Variants in NCOA4 observed in about 807,000 individuals in gnomAD.
The protein encoded by NCOA4 is nuclear receptor coactivator 4, also known as 70 kDa AR-activator.
In NCOA4, 31 loss-of-function variants were observed where a neutral mutation model predicts 69.5. The ratio of observed to expected loss-of-function variants is 0.45; its 90% CI spans 0.34 to 0.60. The LOEUF (loss-of-function observed/expected upper bound fraction) is 0.60, where lower values mean the gene tolerates loss of function less well. Ranked by LOEUF, NCOA4 falls within the 20% of genes least tolerant of loss-of-function variation. NCOA4 has a pLI of 0.02. For synonymous variants in NCOA4, 228 were observed against 252.4 expected (o/e 0.90, Z 0.92); for missense variants, 600 against 719.2 (o/e 0.83, Z 1.90).
chr10:46,014,090 G>A (rs1461133771), intron 5 of NCOA4, among the ~76,000 whole-genome samples: 20 of 151,948 alleles, frequency 1.3e-4, no homozygotes, highest in Non-Finnish European at 2.4e-4. Context: ...GCAGTGGCAC[G>A]ATCTCAGGTC....
At chr10:46,013,507 G>A (rs782153872) in intron 6 of NCOA4, 43 bp downstream of exon 6, 2 of 1,408,136 alleles carry the variant, frequency 1.4e-6, no homozygotes, top group African/African-American at 1.4e-5. Flanking sequence ...GGAAGTATAA[G>A]CCAAGTAATG....
At chr10:46,027,178 G>A (rs1554925644) in intron 1 of NCOA4, among the ~76,000 whole-genome samples, 1 of 146,900 alleles carries the variant, frequency 6.8e-6, no homozygotes. Flanking sequence ...GGCTGAGGCA[G>A]AAGAATGGCG....
chr10:46,024,220 CA>C (rs1225480994), intron 1 of NCOA4, among the ~76,000 whole-genome samples: 1 of 151,610 alleles, frequency 6.6e-6, no homozygotes, highest in Non-Finnish European at 1.5e-5. Flanking sequence ...CGTAAAGACA[CA>C]AAAAAAACAG....
At position 46,015,081 on chromosome 10, in the gene NCOA4, C is replaced by T. The variant is rs1839458506; in HGVS notation, c.282+45G>A. 7 of 1,613,236 alleles carry T rather than the reference C, an allele frequency of 4.3e-6. No individual in the cohort carries two copies. The East Asian group carries it at 1.3e-4, about 31-fold the overall frequency. ...TTACAAGGAAGATACTCTCTGGCAA[C>T]CAGAAGCCATGCTCAAACCAATTCT... is the stretch of plus-strand genomic sequence containing the variant. On this transcript the variant is annotated intron_variant, in intron 3 of 9. Transcript: ENST00000581486.
chr10:46,014,446 T>C lies in NCOA4; in HGVS notation c.478A>G (p.Ile160Val). The change falls in exon 5 of 10, where the codon ATT becomes GTT. Residue 160 changes from isoleucine to valine, a missense_variant and splice_region_variant. Ile to Val is a conservative substitution (Grantham distance 29). Transcript: ENST00000581486. Reference protein sequence around the residue: ...TITTFGSLKTIQIPEHLMAHA... With the variant: ...TITTFGSLKTVQIPEHLMAHA... ...GTGAAGCATATGAGATTACTCACAA[T>C]GGTTTTGAGAGACCCAAATGTGGTG... The C allele has an allele frequency of 6.3e-7, 1 of 1,599,268 alleles. No individual in the cohort carries two copies. Among genetic ancestry groups the C allele is most frequent in the Non-Finnish European group, 8.6e-7 (1 of 1,166,866 alleles).
intron 1 of NCOA4, among the ~76,000 whole-genome samples, chr10:46,023,767 A>C (rs1348776999): frequency 1.3e-5 from 2 of 152,276 alleles, no homozygotes; most frequent in Non-Finnish European, 1.5e-5. Flanking sequence ...ACATGAATTA[A>C]AATGTTTAGG....
intron 1 of NCOA4, chr10:46,023,445 G>A (rs1261991958): frequency 3.0e-6 from 3 of 985,592 alleles, no homozygotes; most frequent in African/African-American, 1.7e-5. Flanking sequence ...CGCGTCACAC[G>A]GCAACTCCAG....
chr10:46,021,096 C>T (rs945413088), intron 1 of NCOA4, among the ~76,000 whole-genome samples: 2 of 152,174 alleles, frequency 1.3e-5, no homozygotes, highest in Non-Finnish European at 1.5e-5. Flanking sequence ...CAATGCTTTG[C>T]ACAAATCTAT....
chr10:46,013,032 A>C lies in NCOA4; in HGVS notation c.571-6T>G, dbSNP rs1377079053. The C allele has an allele frequency of 1.2e-6, 2 of 1,613,618 alleles. No homozygotes were observed. Among genetic ancestry groups the C allele is most frequent in the African/African-American group, 1.3e-5 (1 of 74,910 alleles). ...ACAATACCGGATGCTGACTTCTGTT[A>C]ATCACAAAACAAGGAATGTCAAATG... On this transcript the variant is annotated splice_region_variant and splice_polypyrimidine_tract_variant and intron_variant, in intron 6 of 9. Coordinates refer to ENST00000581486, the MANE Select transcript of NCOA4 (RefSeq NM_001145263.2).
At chr10:46,026,541 T>C (rs1270515006) in intron 1 of NCOA4, among the ~76,000 whole-genome samples, 2 of 152,210 alleles carry the variant, frequency 1.3e-5, no homozygotes, top group Non-Finnish European at 1.5e-5. Flanking sequence ...ACTTACCTAC[T>C]ATCACAGTAA....
intron 1 of NCOA4, chr10:46,027,467 C>G: frequency 6.4e-7 from 1 of 1,551,516 alleles, no homozygotes; most frequent in Non-Finnish European, 8.7e-7. Flanking sequence ...GGCCCCCATT[C>G]CAGCCTAGAC....
chr10:46,009,691 T>G lies in NCOA4; in HGVS notation c.1699-140A>C, dbSNP rs1590150935. ...AACCAAAAACAAAGGTGACAATTGTTATTTCTACCCCAAATATTTTCCATA... is the reference window on the plus strand; with the variant it reads ...AACCAAAAACAAAGGTGACAATTGTGATTTCTACCCCAAATATTTTCCATA... On this transcript the variant is annotated intron_variant, in intron 8 of 9. Transcript: ENST00000581486. The G allele has an allele frequency of 4.0e-6, 3 of 749,968 alleles. No homozygotes were observed. The East Asian group carries it at 7.9e-5, about 20-fold the overall frequency. 46.5% of individuals were successfully genotyped at this position (749,968 alleles called of 1,614,324 possible). A position where few individuals can be genotyped will look rare whatever the true frequency, so the allele number is the denominator to read the frequency against.
At chr10:46,013,458 CA>C in intron 6 of NCOA4, 91 bp downstream of exon 6, 1 of 922,234 alleles carries the variant, frequency 1.1e-6, no homozygotes, top group Admixed American at 2.7e-5. Context: ...TGCCTTTTTA[CA>C]AATAGTAGCA....
rs143584261 is a variant in NCOA4 at position 46,019,403 on chromosome 10, T to C, written c.-14-2709A>G. 3.4e-3 allele frequency: 3,358 copies of C among 985,466 alleles called. 8 individuals are homozygous for C. Among genetic ancestry groups the C allele is most frequent in the Middle Eastern group, 0.016 (30 of 1,914 alleles). 61.0% of individuals were successfully genotyped at this position (985,466 alleles called of 1,614,324 possible). ...CTGCTTCACTTTGCACTTAGGCCAG[T>C]CATGCAAGACCTGTTTAGCAGTCTT... On this transcript the variant is annotated intron_variant, in intron 1 of 9. Transcript: ENST00000581486.
At chr10:46,013,740 A>T in intron 5 of NCOA4, 101 bp from the exon 6 acceptor site, 1 of 757,410 alleles carries the variant, frequency 1.3e-6, no homozygotes, top group East Asian at 2.7e-5. Flanking sequence ...TTACCATTTC[A>T]TTAGAAATAC....
chr10:46,023,941 T>G (rs1475742092), intron 1 of NCOA4, among the ~76,000 whole-genome samples: 2 of 152,224 alleles, frequency 1.3e-5, no homozygotes, highest in Non-Finnish European at 2.9e-5. Context: ...GTCGATTTTT[T>G]GAATGTAAAA....
In NCOA4 at chr10:46,009,299, A is replaced by G. The variant is rs1839053864; in HGVS notation, c.1839+112T>C. The G allele has an allele frequency of 2.0e-6, 3 of 1,473,968 alleles. No individual in the cohort carries two copies. The South Asian group carries it at 3.5e-5, about 17-fold the overall frequency. 91.3% of individuals were successfully genotyped at this position (1,473,968 alleles called of 1,614,324 possible). A position where few individuals can be genotyped will look rare whatever the true frequency, so the allele number is the denominator to read the frequency against. ...CCACCCTCACTTGCCTAATATACAT[A>G]CTATTAAAAGGGATATGGTTCAGTG... is the stretch of plus-strand genomic sequence containing the variant. On this transcript the variant is annotated intron_variant, in intron 9 of 9. Transcript: ENST00000581486.
chr10:46,029,493 A>G (rs562848548), intron 1 of NCOA4, among the ~76,000 whole-genome samples: 2 of 152,340 alleles, frequency 1.3e-5, no homozygotes, highest in South Asian at 4.1e-4. Context: ...AAATGGGCCA[A>G]CTATGACTTC....
intron 9 of NCOA4, among the ~76,000 whole-genome samples, 173 bp from the exon 10 acceptor site, chr10:46,006,770 T>G (rs1838842100): frequency 6.6e-6 from 1 of 152,246 alleles, no homozygotes; most frequent in Admixed American, 6.5e-5. Context: ...TGGTAAACTT[T>G]TCATCAATAA....
Sources: gnomAD v4.1 joint callset for allele counts (sites outside exome capture counted in the v4.1 genomes callset) on GRCh38, gnomAD v4.1.1 for gene constraint, MANE v1.5 for transcripts, NCBI Gene and HGNC (gene_info 2026-07-23, HGNC 2026-07-21) for gene names.